ZFHX3: variants seen among roughly 807,000 people sequenced by gnomAD.
ZFHX3 encodes the protein zinc finger homeobox protein 3.
ZFHX3 carries 42 observed loss-of-function variants against 279.1 expected under a neutral mutation model. That is an observed-to-expected ratio of 0.15 (90% CI 0.12 to 0.19). The LOEUF is 0.19. ZFHX3 is among the 10% of genes least tolerant of loss of function. ZFHX3 has a pLI of 1.00. For missense variants in ZFHX3, 4,981 were observed against 4,754.0 expected (o/e 1.05, Z -1.40); for synonymous variants, 2,293 against 1,957.8 (o/e 1.17, Z -4.52).
At chr16:72,955,029 T>C (rs1282999604) in intron 2 of ZFHX3, among the ~76,000 whole-genome samples, 2 of 152,198 alleles carry the variant, frequency 1.3e-5, no homozygotes, top group African/African-American at 4.8e-5. Context: ...GTTATGGCTG[T>C]TTTTATTTGC....
chr16:73,633,808 G>A (rs1448536849), intron 2 of ZFHX3, among the ~76,000 whole-genome samples: 1 of 151,844 alleles, frequency 6.6e-6, no homozygotes, highest in South Asian at 2.1e-4. Flanking sequence ...TGAGGTGAGA[G>A]AATCGCTTGA....
Position 73,431,554 on chromosome 16 carries a change from C to G in ZFHX3, c.-1291+24449G>C, listed in dbSNP as rs185584986. On this transcript the variant is annotated intron_variant, in intron 3 of 17. Coordinates refer to the ZFHX3 transcript ENST00000641206. ...AGACGCTGTCTCAAGAAAAAACAGT[C>G]TTCTGATTATAAAAGTACATATATA... Among the ~76,000 whole-genome samples the G allele has an allele frequency of 3.0e-3, 450 of 152,112 alleles. 3 individuals carry two copies. Among genetic ancestry groups the G allele is most frequent in the African/African-American group, 0.01 (423 of 41,514 alleles).
intron 2 of ZFHX3, among the ~76,000 whole-genome samples, chr16:73,574,125 C>G (rs2051771403): frequency 1.3e-5 from 2 of 152,142 alleles, no homozygotes; most frequent in Admixed American, 1.3e-4. Context: ...GTTTTCTTAT[C>G]CCTTTCCCCT....
At chr16:72,942,147 G>A (rs527764884) in intron 3 of ZFHX3, among the ~76,000 whole-genome samples, 36 of 152,260 alleles carry the variant, frequency 2.4e-4, no homozygotes, top group Non-Finnish European at 4.3e-4. Flanking sequence ...GGGACTAGAC[G>A]TATTCAAATC....
chr16:73,353,155 C>T (rs565951931), intron 3 of ZFHX3, among the ~76,000 whole-genome samples: 1 of 152,302 alleles, frequency 6.6e-6, no homozygotes, highest in Non-Finnish European at 1.5e-5. Context: ...CATGATTGAC[C>T]TGCTGGGAGG....
chr16:73,780,986 C>T (rs1461521082), intron 1 of ZFHX3, among the ~76,000 whole-genome samples: 1 of 152,278 alleles, frequency 6.6e-6, no homozygotes, highest in Non-Finnish European at 1.5e-5. Flanking sequence ...ATGAAGAAGA[C>T]TTGCATGTAA....
At chr16:73,423,493 C>G (rs919955138) in intron 3 of ZFHX3, among the ~76,000 whole-genome samples, 5 of 152,082 alleles carry the variant, frequency 3.3e-5, no homozygotes, top group African/African-American at 1.2e-4. Context: ...GTCAGTGATG[C>G]GTTTAGGTCT....
At chr16:72,966,401 T>A (rs190972144) in intron 1 of ZFHX3, among the ~76,000 whole-genome samples, 56 of 152,080 alleles carry the variant, frequency 3.7e-4, no homozygotes, top group African/African-American at 1.3e-3. Flanking sequence ...GTCATAAGAG[T>A]TCATGCAAAC....
chr16:73,152,039 C>T (rs900381330), intron 5 of ZFHX3, among the ~76,000 whole-genome samples: 2 of 151,092 alleles, frequency 1.3e-5, no homozygotes, highest in Non-Finnish European at 2.9e-5. Flanking sequence ...GGAGGAGACA[C>T]GCAAGCTTCC....
At chr16:73,224,163 T>G (rs953366608) in intron 5 of ZFHX3, among the ~76,000 whole-genome samples, 7 of 152,178 alleles carry the variant, frequency 4.6e-5, no homozygotes, top group African/African-American at 1.7e-4. Flanking sequence ...TGAACCCTGA[T>G]GTGAACTATG....
At chr16:73,713,669 A>G (rs550833208) in intron 1 of ZFHX3, among the ~76,000 whole-genome samples, 1 of 151,456 alleles carries the variant, frequency 6.6e-6, no homozygotes, top group Middle Eastern at 3.2e-3. Flanking sequence ...TGCTTTTTAC[A>G]TCTATTTCTT....
intron 1 of ZFHX3, among the ~76,000 whole-genome samples, chr16:73,682,138 C>A (rs756538745): frequency 2.6e-5 from 4 of 152,150 alleles, no homozygotes; most frequent in Non-Finnish European, 5.9e-5. Context: ...GGCAATCTGG[C>A]TTTGAAAATC....
intron 1 of ZFHX3, among the ~76,000 whole-genome samples, chr16:73,043,976 G>A (rs895034661): frequency 2.6e-5 from 4 of 152,154 alleles, no homozygotes; most frequent in African/African-American, 9.7e-5. Flanking sequence ...CCCTCGGGGC[G>A]GTTTGACACA....
At chr16:73,010,988 T>G (rs945605279) in intron 1 of ZFHX3, among the ~76,000 whole-genome samples, 3 of 152,038 alleles carry the variant, frequency 2.0e-5, no homozygotes, top group Non-Finnish European at 4.4e-5. Context: ...GTTTGTTTTA[T>G]TTTGTGAGAC....
chr16:73,857,045 A>T (rs538815331), intron 1 of ZFHX3, among the ~76,000 whole-genome samples: 2 of 152,208 alleles, frequency 1.3e-5, no homozygotes, highest in African/African-American at 4.8e-5. Context: ...GAAGACAGAC[A>T]ACTCAGGAAG....
intron 1 of ZFHX3, among the ~76,000 whole-genome samples, chr16:73,728,580 G>A (rs1313051837): frequency 6.6e-6 from 1 of 152,080 alleles, no homozygotes; most frequent in African/African-American, 2.4e-5. Context: ...GATAACTCTT[G>A]TGAGTTACTG....
At chr16:72,955,285 C>T (rs1961200154) in intron 2 of ZFHX3, among the ~76,000 whole-genome samples, 1 of 152,228 alleles carries the variant, frequency 6.6e-6, no homozygotes, top group African/African-American at 2.4e-5. Flanking sequence ...GGAGGAAGAG[C>T]TCCAGTCTAA....
At chr16:73,552,937 G>A (rs766004902) in intron 2 of ZFHX3, among the ~76,000 whole-genome samples, 1 of 152,070 alleles carries the variant, frequency 6.6e-6, no homozygotes, top group Non-Finnish European at 1.5e-5. Context: ...TTTCCTTCTC[G>A]GGATTTTCAT....
chr16:73,193,502 G>C (rs1413876241), intron 5 of ZFHX3, among the ~76,000 whole-genome samples: 1 of 152,186 alleles, frequency 6.6e-6, no homozygotes, highest in Non-Finnish European at 1.5e-5. Flanking sequence ...TTGACAGTTT[G>C]CTGGGATCCC....
Sources: allele counts gnomAD v4.1 joint callset (sites outside exome capture counted in the v4.1 genomes callset), GRCh38; gene constraint gnomAD v4.1.1; transcripts MANE v1.5; gene names NCBI Gene and HGNC (gene_info 2026-07-23, HGNC 2026-07-21).